Variants in NAALADL2 observed in about 807,000 individuals in gnomAD.
The protein encoded by NAALADL2 is inactive N-acetylated-alpha-linked acidic dipeptidase-like protein 2.
A neutral mutation model predicts 87.2 loss-of-function variants in NAALADL2; 76 were observed. The observed-to-expected ratio is 0.87, with a 90% CI of 0.72 to 1.05. NAALADL2 has a LOEUF of 1.05. NAALADL2 is among the 50% of genes least tolerant of loss of function. NAALADL2 has a pLI of 0.00. For synonymous variants in NAALADL2, 354 were observed against 331.0 expected (o/e 1.07, Z -0.75); for missense variants, 1,089 against 945.8 (o/e 1.15, Z -1.99).
intron 1 of NAALADL2, among the ~76,000 whole-genome samples, chr3:174,863,165 T>C (rs1417513163): frequency 6.6e-6 from 1 of 152,114 alleles, no homozygotes; most frequent in East Asian, 1.9e-4. Flanking sequence ...TTGTTTTTGG[T>C]TTCACAGAAG....
chr3:175,566,441 A>C (rs1392236499), intron 9 of NAALADL2, among the ~76,000 whole-genome samples: 2 of 152,160 alleles, frequency 1.3e-5, no homozygotes, highest in African/African-American at 4.8e-5. Context: ...TCAGCACATT[A>C]TTTTTTAGGT....
intron 2 of NAALADL2, among the ~76,000 whole-genome samples, chr3:175,214,175 A>T (rs4894482): frequency 0.017 from 2,532 of 152,248 alleles, 103 homozygotes; most frequent in Admixed American, 0.084. Flanking sequence ...TGTGTTTATT[A>T]TTGTAATTTA....
chr3:174,452,819 C>T (rs533442128), intron 1 of NAALADL2, among the ~76,000 whole-genome samples: 1 of 152,058 alleles, frequency 6.6e-6, no homozygotes, highest in Admixed American at 6.5e-5. Flanking sequence ...AACATCAGCC[C>T]ACAAGGATGA....
At chr3:175,393,807 A>T (rs1295028856) in intron 5 of NAALADL2, among the ~76,000 whole-genome samples, 1 of 152,336 alleles carries the variant, frequency 6.6e-6, no homozygotes, top group South Asian at 2.1e-4. Flanking sequence ...CTTGTCCAAC[A>T]CACTATCCAT....
At chr3:175,567,750 C>CT (rs1717422251) in intron 9 of NAALADL2, among the ~76,000 whole-genome samples, 1 of 146,786 alleles carries the variant, frequency 6.8e-6, no homozygotes, top group Non-Finnish European at 1.5e-5. Flanking sequence ...GAGTCTTACT[C>CT]TGTCACCCAG....
intron 1 of NAALADL2, among the ~76,000 whole-genome samples, chr3:174,925,938 C>T (rs1239074594): frequency 6.6e-6 from 1 of 152,002 alleles, no homozygotes; most frequent in Non-Finnish European, 1.5e-5. Flanking sequence ...GAACCAATCA[C>T]AAAGAAGCTA....
At chr3:175,397,531 GA>G (rs1364124428) in intron 5 of NAALADL2, among the ~76,000 whole-genome samples, 3 of 152,152 alleles carry the variant, frequency 2.0e-5, no homozygotes, top group African/African-American at 7.2e-5. Context: ...CTAGGGACAG[GA>G]AGGCTGAGCA....
chr3:174,512,788 C>G (rs1719686155), intron 1 of NAALADL2, among the ~76,000 whole-genome samples: 1 of 152,050 alleles, frequency 6.6e-6, no homozygotes, highest in Admixed American at 6.6e-5. Flanking sequence ...CTCTCAGAGT[C>G]ATAGTTCAGT....
chr3:175,599,389 ATCT>A, intron 10 of NAALADL2, among the ~76,000 whole-genome samples: 1 of 152,196 alleles, frequency 6.6e-6, no homozygotes, highest in East Asian at 1.9e-4. Context: ...CATGTTAAAC[ATCT>A]TATTATATAT....
intron 11 of NAALADL2, among the ~76,000 whole-genome samples, chr3:175,676,975 T>C (rs1734870123): frequency 6.6e-6 from 1 of 152,200 alleles, no homozygotes; most frequent in South Asian, 2.1e-4. Context: ...CCAGGAGATA[T>C]AAATAAGGTT....
chr3:175,210,202 GAA>G (rs141019590), intron 2 of NAALADL2, among the ~76,000 whole-genome samples: 1,621 of 151,702 alleles, frequency 0.011, 32 homozygotes, highest in African/African-American at 0.036. Flanking sequence ...AACAAAACAT[GAA>G]AAGAGACTAC....
chr3:175,659,846 T>C (rs1732005830), intron 11 of NAALADL2, among the ~76,000 whole-genome samples: 2 of 152,190 alleles, frequency 1.3e-5, no homozygotes, highest in African/African-American at 2.4e-5. Context: ...AATGCTTTGT[T>C]AGTCAGCATG....
intron 2 of NAALADL2, among the ~76,000 whole-genome samples, chr3:175,212,837 TTAAA>T (rs1042805110): frequency 2.6e-5 from 4 of 152,170 alleles, no homozygotes; most frequent in African/African-American, 4.8e-5. Context: ...TATGAAATAC[TTAAA>T]TAACGCAGAA....
chr3:175,379,532 T>G (rs1184110026), intron 5 of NAALADL2, among the ~76,000 whole-genome samples: 1 of 150,234 alleles, frequency 6.7e-6, no homozygotes, highest in African/African-American at 2.4e-5. Context: ...ATCTTTTTGT[T>G]TTTTTTTTTT....
At chr3:175,451,479 T>C (rs1721572173) in intron 6 of NAALADL2, among the ~76,000 whole-genome samples, 1 of 152,194 alleles carries the variant, frequency 6.6e-6, no homozygotes, top group Non-Finnish European at 1.5e-5. Context: ...TTCAACGTAT[T>C]GTCAATATTT....
chr3:174,952,326 T>C (rs1740491908), intron 1 of NAALADL2, among the ~76,000 whole-genome samples: 1 of 152,174 alleles, frequency 6.6e-6, no homozygotes, highest in South Asian at 2.1e-4. Flanking sequence ...TTCCCCTTCG[T>C]GACTCTTTTA....
Position 175,640,771 on chromosome 3 carries a change from G to T in NAALADL2, c.1896+13385G>T, listed in dbSNP as rs188442937. On this transcript the variant is annotated intron_variant, in intron 11 of 13. Transcript: ENST00000454872. The stretch of plus-strand genomic sequence containing the variant: ...ATACCATGTTCTAATTAATGATAAT[G>T]CAATGTTTAACAAGTGTTGTATACG... 3.9e-5 allele frequency among the ~76,000 whole-genome samples: 6 copies of T among 152,212 alleles called. No individual in the cohort carries two copies. The East Asian group carries it at 1.2e-3, about 29-fold the overall frequency.
At chr3:175,673,447 A>T (rs1429111404) in intron 11 of NAALADL2, among the ~76,000 whole-genome samples, 1 of 152,170 alleles carries the variant, frequency 6.6e-6, no homozygotes, top group Non-Finnish European at 1.5e-5. Flanking sequence ...TTATGTTGAT[A>T]GATCTATGTA....
At chr3:174,443,772 T>C (rs1303950596) in intron 1 of NAALADL2, among the ~76,000 whole-genome samples, 1 of 144,760 alleles carries the variant, frequency 6.9e-6, no homozygotes, top group East Asian at 1.9e-4. Context: ...AAGAGCTGCA[T>C]TCCATGTAAA....
Sources: allele counts gnomAD v4.1 joint callset (sites outside exome capture counted in the v4.1 genomes callset), GRCh38; gene constraint gnomAD v4.1.1; transcripts MANE v1.5; gene names NCBI Gene and HGNC (gene_info 2026-07-23, HGNC 2026-07-21).